Variants in ZNF44 observed in about 807,000 individuals in gnomAD.
ZNF44 encodes the protein gonadotropin inducible transcription repressor-2.
A neutral mutation model predicts 11.7 loss-of-function variants in ZNF44; 9 were observed. That is an observed-to-expected ratio of 0.77 (90% CI 0.46 to 1.35). The LOEUF (loss-of-function observed/expected upper bound fraction) is 1.35. Among genes scored for constraint, ZNF44 ranks in the 40% most tolerant of loss-of-function variants. The pLI is 0.00. For synonymous variants in ZNF44, 224 were observed against 242.7 expected, an observed-to-expected ratio of 0.92 and a Z score of 0.72; for missense variants, 696 against 743.1, an observed-to-expected ratio of 0.94 and a Z score of 0.74.
downstream of ZNF44, chr19:12,244,699 T>C (rs1916721798): frequency 6.6e-6 from 1 of 152,572 alleles, no homozygotes; most frequent in Non-Finnish European, 1.5e-5. Flanking sequence ...CTCCAAACTT[T>C]AAAAATGACC....
At chr19:12,233,443 A>G (rs569020614) in intron 2 of ZNF44, among the ~76,000 whole-genome samples, 36 of 152,160 alleles carry the variant, frequency 2.4e-4, no homozygotes, top group African/African-American at 8.7e-4. Flanking sequence ...GTCTCTAAAC[A>G]AAACAAAGCA....
At chr19:12,269,349 CCT>C (rs1966888493), downstream of ZNF44, among the ~76,000 whole-genome samples, 2 of 152,022 alleles carry the variant, frequency 1.3e-5, no homozygotes, top group Non-Finnish European at 2.9e-5. Context: ...ACGGTGAAAC[CCT>C]GTCTCTACTA....
downstream of ZNF44, among the ~76,000 whole-genome samples, chr19:12,270,113 C>T (rs562150862): frequency 9.2e-5 from 14 of 152,082 alleles, 1 homozygote; most frequent in South Asian, 1.7e-3. Context: ...TTCTTCCATC[C>T]CATTCTTCAT....
downstream of ZNF44, among the ~76,000 whole-genome samples, chr19:12,244,279 T>A (rs181360655): frequency 6.6e-6 from 1 of 152,326 alleles, no homozygotes; most frequent in East Asian, 1.9e-4. Flanking sequence ...CGTGGAATTA[T>A]AGGCATAAGC....
At chr19:12,293,219 C>G (rs1454486580) in intron 1 of ZNF44, 5 of 1,535,006 alleles carry the variant, frequency 3.3e-6, no homozygotes, top group South Asian at 1.2e-5. Context: ...TCCTCCCACC[C>G]CAGTGCATCC....
At position 12,259,060 on chromosome 19, in the gene ZNF44, ACACAGGGTCC is replaced by A. The variant is rs563328792; in HGVS notation, c.1913-8702_1913-8693del. ...CGGCTAATTTTTGTATTTTTTGTAG[ACACAGGGTCC>A]CACCATGTTGCCCAGGCTCGTCTTG... On this transcript the variant is annotated intron_variant and NMD_transcript_variant, in intron 5 of 7. Transcript: ENST00000393337. Among the ~76,000 whole-genome samples the A allele has an allele frequency of 2.5e-3, 386 of 152,170 alleles. 1 individual carries two copies. The highest frequency in any genetic ancestry group is 3.5e-3 in the South Asian group (17 of 4,822).
At chr19:12,260,602 A>AAAAAAC (rs1032944307) in intron 5 of ZNF44, 20 of 635,054 alleles carry the variant, frequency 3.1e-5, no homozygotes, top group African/African-American at 3.7e-5. Flanking sequence ...TCATGCCCGC[A>AAAAAAC]AAAAACAAAA....
chr19:12,260,788 A>G (rs1423652828), intron 5 of ZNF44, among the ~76,000 whole-genome samples: 1 of 152,158 alleles, frequency 6.6e-6, no homozygotes, highest in Non-Finnish European at 1.5e-5. Context: ...GGGCTCAACA[A>G]TGGAAGAAAC....
exon 8 of ZNF44, chr19:12,247,936 TG>T: frequency 7.4e-7 from 1 of 1,349,638 alleles, no homozygotes; most frequent in Non-Finnish European, 9.8e-7. Context: ...CCACATTCCT[TG>T]CATTTGTAGG....
At chr19:12,274,788 ATAGC>A (rs1381926158) in intron 3 of ZNF44, among the ~76,000 whole-genome samples, 181 bp downstream of exon 3, 1 of 152,150 alleles carries the variant, frequency 6.6e-6, no homozygotes, top group Non-Finnish European at 1.5e-5. Context: ...CAAACACTGA[ATAGC>A]TATGTCACAT....
downstream of ZNF44, chr19:12,271,717 T>C (rs928699282): frequency 3.3e-5 from 5 of 152,352 alleles, no homozygotes; most frequent in Admixed American, 6.5e-5. Context: ...ATATATACGA[T>C]GTAGATAGGC....
At chr19:12,285,790 T>G (rs761017516) in intron 1 of ZNF44, among the ~76,000 whole-genome samples, 107 of 151,612 alleles carry the variant, frequency 7.1e-4, no homozygotes, top group Non-Finnish European at 7.8e-4. Flanking sequence ...AGGCCGAGGC[T>G]GGCGGATCAC....
intron 2 of ZNF44, among the ~76,000 whole-genome samples, chr19:12,234,181 G>A (rs1015533076): frequency 1.3e-5 from 2 of 152,130 alleles, no homozygotes; most frequent in Non-Finnish European, 1.5e-5. Flanking sequence ...TTGTTTGAAA[G>A]TAAATGCACT....
At chr19:12,261,963 C>T (rs527482365) in intron 5 of ZNF44, among the ~76,000 whole-genome samples, 2 of 151,996 alleles carry the variant, frequency 1.3e-5, no homozygotes, top group Non-Finnish European at 2.9e-5. Context: ...TGACTTTTAA[C>T]TTTTTTTAAA....
In ZNF44 at chr19:12,273,963, C is replaced by CG; in HGVS notation, c.291dup (p.Ala98ArgfsTer28). ...CTGCTTCCACATGCATCTACTCTGGCGGGAGTGTTCTTGTTTACAATACTA... is the reference window on the plus strand; with the variant it reads ...CTGCTTCCACATGCATCTACTCTGGCGGGGAGTGTTCTTGTTTACAATACTA... On this transcript the variant is annotated frameshift_variant, in exon 4 of 4. Coordinates refer to ENST00000355684, the MANE Select transcript of ZNF44 (RefSeq NM_016264.4). LOFTEE classifies it low-confidence loss of function (END_TRUNC). 6.2e-7 allele frequency: 1 copy of CG among 1,614,038 alleles called. No homozygotes were observed. The highest frequency in any genetic ancestry group is 8.5e-7 in the Non-Finnish European group (1 of 1,180,010).
At chr19:12,247,774 C>CA in exon 8 of ZNF44, 7 of 1,306,902 alleles carry the variant, frequency 5.4e-6, no homozygotes, top group Non-Finnish European at 7.0e-6. Context: ...TTTTTACACT[C>CA]AAAGGGTTTA....
At chr19:12,251,807 T>C (rs1218727451) in intron 5 of ZNF44, among the ~76,000 whole-genome samples, 1 of 152,010 alleles carries the variant, frequency 6.6e-6, no homozygotes, top group East Asian at 1.9e-4. Flanking sequence ...ATCCCAGCAC[T>C]TTGGGGGGCC....
At chr19:12,253,694 G>A (rs1599502385) in intron 5 of ZNF44, among the ~76,000 whole-genome samples, 1 of 151,906 alleles carries the variant, frequency 6.6e-6, no homozygotes, top group Non-Finnish European at 1.5e-5. Context: ...AAACAGGAAG[G>A]ACAGGCCGAG....
At chr19:12,226,440 G>C (rs1915923235) in exon 4 of ZNF44, 1 of 152,124 alleles carries the variant, frequency 6.6e-6, no homozygotes, top group African/African-American at 2.4e-5. Context: ...GGCTTTATTG[G>C]CTCCATAAGT....
Sources: allele counts gnomAD v4.1 joint callset (sites outside exome capture counted in the v4.1 genomes callset), GRCh38; gene constraint gnomAD v4.1.1; transcripts MANE v1.5; gene names NCBI Gene and HGNC (gene_info 2026-07-23, HGNC 2026-07-21).